Variants in CEP112 observed in about 807,000 individuals in gnomAD.
CEP112 encodes centrosomal protein of 112 kDa.
A neutral mutation model predicts 153.0 loss-of-function variants in CEP112; 127 were observed. The observed-to-expected ratio is 0.83, with a 90% confidence interval of 0.72 to 0.96. The LOEUF is 0.96. CEP112 is among the 40% of genes least tolerant of loss of function. The probability of loss-of-function intolerance (pLI) is 0.00; values close to 1 mark genes in which losing one functional copy is unlikely to be tolerated. For missense variants in CEP112, 1,089 were observed against 1,101.2 expected (o/e 0.99, Z 0.16); for synonymous variants, 358 against 374.4 (o/e 0.96, Z 0.51).
chr17:65,899,672 A>C (rs2059779431), intron 20 of CEP112, among the ~76,000 whole-genome samples: 1 of 144,920 alleles, frequency 6.9e-6, no homozygotes, highest in Admixed American at 6.9e-5. Context: ...AACTGTACTC[A>C]TTTAAGAATC....
chr17:65,954,960 A>C (rs958053222), intron 18 of CEP112, among the ~76,000 whole-genome samples: 1 of 152,224 alleles, frequency 6.6e-6, no homozygotes, highest in Non-Finnish European at 1.5e-5. Flanking sequence ...ATTTAGGAAA[A>C]CTTCCCCAGC....
intron 12 of CEP112, among the ~76,000 whole-genome samples, chr17:66,031,184 T>A (rs2065446884): frequency 6.6e-6 from 1 of 152,194 alleles, no homozygotes; most frequent in Non-Finnish European, 1.5e-5. Flanking sequence ...CAGAAAATAG[T>A]TTCCATTTCC....
At chr17:66,022,493 G>T (rs1267239171) in intron 16 of CEP112, among the ~76,000 whole-genome samples, 1 of 151,998 alleles carries the variant, frequency 6.6e-6, no homozygotes, top group African/African-American at 2.4e-5. Flanking sequence ...CAGATCACAA[G>T]GTCAGGAGAT....
chr17:65,972,581 G>A (rs73338625), intron 17 of CEP112, among the ~76,000 whole-genome samples: 10,039 of 152,142 alleles, frequency 0.066, 484 homozygotes, highest in African/African-American at 0.12. Context: ...AAAAATCAGT[G>A]AATCCCAAAG....
At chr17:65,952,315 G>C (rs2061862249) in intron 18 of CEP112, among the ~76,000 whole-genome samples, 1 of 152,052 alleles carries the variant, frequency 6.6e-6, no homozygotes, top group Non-Finnish European at 1.5e-5. Flanking sequence ...GATGAGACAA[G>C]ACTTTCTCAC....
chr17:65,690,770 A>G lies in CEP112; in HGVS notation c.2608-1552T>C, dbSNP rs140737177. Among the ~76,000 whole-genome samples, 555 of 152,342 alleles carry G rather than the reference A, an allele frequency of 3.6e-3. 3 individuals are homozygous for G. Among genetic ancestry groups the G allele is most frequent in the South Asian group, 4.1e-3 (20 of 4,828 alleles). On this transcript the variant is annotated intron_variant, in intron 23 of 26. Transcript: ENST00000535342. ...CATAAGGTCACTGTTGAGAGTGATCAAAGCAGCAGCAGTGAAGTCAAGGAC... is the reference window on the plus strand; with the variant it reads ...CATAAGGTCACTGTTGAGAGTGATCGAAGCAGCAGCAGTGAAGTCAAGGAC...
chr17:66,018,443 G>C (rs150778663), intron 16 of CEP112, among the ~76,000 whole-genome samples: 1 of 152,254 alleles, frequency 6.6e-6, no homozygotes, highest in Non-Finnish European at 1.5e-5. Context: ...GTGCACAGAG[G>C]AGGTACTGAC....
intron 1 of CEP112, among the ~76,000 whole-genome samples, chr17:66,187,966 A>G (rs922089927): frequency 6.6e-6 from 1 of 152,044 alleles, no homozygotes; most frequent in African/African-American, 2.4e-5. Flanking sequence ...CCATAAACCA[A>G]TACATCAATA....
At chr17:65,891,375 C>T (rs971705376) in intron 20 of CEP112, among the ~76,000 whole-genome samples, 1 of 152,162 alleles carries the variant, frequency 6.6e-6, no homozygotes, top group Non-Finnish European at 1.5e-5. Context: ...ACACACTTCC[C>T]TCTGGATGTT....
intron 21 of CEP112, among the ~76,000 whole-genome samples, chr17:65,771,783 G>A (rs2053370704): frequency 6.6e-6 from 1 of 152,186 alleles, no homozygotes; most frequent in Non-Finnish European, 1.5e-5. Flanking sequence ...GGGAGGCCAA[G>A]GCAGGAGAAT....
intron 8 of CEP112, among the ~76,000 whole-genome samples, chr17:66,074,009 C>G (rs2067393829): frequency 1.3e-5 from 2 of 152,086 alleles, no homozygotes; most frequent in Non-Finnish European, 2.9e-5. Flanking sequence ...CAAGATGACT[C>G]TACTTCAGCA....
chr17:66,001,601 C>A (rs12944774), intron 17 of CEP112, among the ~76,000 whole-genome samples: 62,462 of 151,924 alleles, frequency 0.41, 14,295 homozygotes, highest in East Asian at 0.87. Context: ...ATTAATCAAA[C>A]AGATGGTTTT....
chr17:65,750,927 AATT>A, intron 21 of CEP112: 1 of 514,286 alleles, frequency 1.9e-6, no homozygotes, highest in South Asian at 2.9e-5. Flanking sequence ...CTCTTCTGCC[AATT>A]ATTAGACAAA....
chr17:65,813,048 T>A (rs905926232), intron 21 of CEP112, among the ~76,000 whole-genome samples: 3 of 152,154 alleles, frequency 2.0e-5, no homozygotes, highest in Non-Finnish European at 4.4e-5. Flanking sequence ...AATAAGATAA[T>A]GTATGCATGA....
intron 23 of CEP112, among the ~76,000 whole-genome samples, chr17:65,707,924 T>G (rs2048997294): frequency 1.3e-5 from 2 of 152,212 alleles, no homozygotes; most frequent in Admixed American, 1.3e-4. Context: ...AATATATTAT[T>G]AAGCACAAAC....
chr17:65,824,840 G>A (rs534502656), intron 21 of CEP112, among the ~76,000 whole-genome samples: 10 of 152,290 alleles, frequency 6.6e-5, no homozygotes, highest in Admixed American at 4.6e-4. Context: ...AACAGTGTTG[G>A]CAATCATGTG....
chr17:65,798,547 C>G (rs1598616064), intron 21 of CEP112, among the ~76,000 whole-genome samples: 1 of 152,304 alleles, frequency 6.6e-6, no homozygotes, highest in Middle Eastern at 3.4e-3. Flanking sequence ...AGGGATATCT[C>G]CCTACTCTCC....
chr17:65,959,689 G>A (rs2062128221), intron 18 of CEP112, among the ~76,000 whole-genome samples: 1 of 152,186 alleles, frequency 6.6e-6, no homozygotes, highest in Non-Finnish European at 1.5e-5. Flanking sequence ...GACAGTTGTG[G>A]AAGCTGCTTG....
chr17:65,679,008 G>A (rs1203211272), intron 24 of CEP112, among the ~76,000 whole-genome samples: 4 of 151,996 alleles, frequency 2.6e-5, no homozygotes, highest in Admixed American at 2.6e-4. Context: ...TTGGGTACAA[G>A]TGTTTGACTT....
Sources: allele counts gnomAD v4.1 joint callset (sites outside exome capture counted in the v4.1 genomes callset), GRCh38; gene constraint gnomAD v4.1.1; transcripts MANE v1.5; gene names NCBI Gene and HGNC (gene_info 2026-07-23, HGNC 2026-07-21).